TTC38: variants seen among roughly 807,000 people sequenced by gnomAD.
TTC38 encodes the protein tetratricopeptide repeat domain 38.
Under a neutral mutation model 64.2 loss-of-function variants are expected in TTC38, and 64 were observed. That is an observed-to-expected ratio of 1.00 (90% CI 0.81 to 1.23). The LOEUF (loss-of-function observed/expected upper bound fraction) is 1.23. Ranked by LOEUF, TTC38 falls within the 50% of genes most tolerant of loss-of-function variation. The probability of loss-of-function intolerance (pLI) is 0.00; values close to 1 mark genes in which losing one functional copy is unlikely to be tolerated. For missense variants in TTC38, 573 were observed against 615.5 expected (o/e 0.93, Z 0.73); for synonymous variants, 254 against 249.3 (o/e 1.02, Z -0.18).
rs746849141 is a variant in TTC38 at position 46,293,454 on chromosome 22, C to T, written c.*570C>T. The T allele has an allele frequency of 6.5e-6, 1 of 153,606 alleles. No homozygotes were observed. Among genetic ancestry groups the T allele is most frequent in the Admixed American group, 6.4e-5 (1 of 15,622 alleles). 9.5% of individuals were successfully genotyped at this position (153,606 alleles called of 1,614,324 possible). A position where few individuals can be genotyped will look rare whatever the true frequency, so the allele number is the denominator to read the frequency against. On this transcript the variant is annotated 3_prime_UTR_variant, in exon 14 of 14. Transcript: ENST00000381031. This position sits in a 1 kb window ranked among gnomAD's most constrained non-coding sequence, Gnocchi z 6.6. ...CACCTGCTGCCTTTGGACGCAGCCCCCTGCTGCTGCATCCACCACCCTTCT... is the reference window on the plus strand; with the variant it reads ...CACCTGCTGCCTTTGGACGCAGCCCTCTGCTGCTGCATCCACCACCCTTCT...
chr22:46,270,561 G>A lies in TTC38; in HGVS notation c.112-1774G>A, dbSNP rs913675108. ...TTAAAAATGATGATGCGCTGGGCGCGGTGACTCACGCCTGTAATCCCAGCA... is the reference window on the plus strand; with the variant it reads ...TTAAAAATGATGATGCGCTGGGCGCAGTGACTCACGCCTGTAATCCCAGCA... On this transcript the variant is annotated intron_variant, in intron 2 of 13. Coordinates refer to ENST00000381031, the MANE Select transcript of TTC38 (RefSeq NM_017931.4). The surrounding 1 kb of genome is among the most constrained non-coding windows in gnomAD (Gnocchi z 4.7). 7.9e-5 allele frequency among the ~76,000 whole-genome samples: 12 copies of A among 151,920 alleles called. No individual in the cohort carries two copies. Among genetic ancestry groups the A allele is most frequent in the African/African-American group, 1.7e-4 (7 of 41,326 alleles).
At chr22:46,288,349 G>T in intron 10 of TTC38, 74 bp from the exon 11 acceptor site, 1 of 1,484,250 alleles carries the variant, frequency 6.7e-7, no homozygotes, top group East Asian at 2.3e-5. Context: ...GGGAAGCGCC[G>T]TGAGGGAGGC....
chr22:46,268,930 G>C (rs1338304498), intron 2 of TTC38: 1 of 338,416 alleles, frequency 3.0e-6, no homozygotes, highest in African/African-American at 2.2e-5. Flanking sequence ...CTCGTGATCC[G>C]CCCGCCTCGG....
chr22:46,269,191 G>A, intron 2 of TTC38: 1 of 377,642 alleles, frequency 2.6e-6, no homozygotes, highest in Non-Finnish European at 5.4e-6. Context: ...GATGTTTTTT[G>A]AGGATGCTGG....
chr22:46,273,887 C>A lies in TTC38; in HGVS notation c.194-11C>A. ...ATCTGAACCACCAGCCGTTCTCTAA[C>A]CTCCCACCAGTGATGGGCCACGCCA... On this transcript the variant is annotated splice_polypyrimidine_tract_variant and intron_variant, in intron 3 of 13. Coordinates refer to ENST00000381031, the MANE Select transcript of TTC38 (RefSeq NM_017931.4). This position sits in a 1 kb window ranked among gnomAD's most constrained non-coding sequence, Gnocchi z 5.1. 1 of 1,613,992 alleles carries A rather than the reference C, an allele frequency of 6.2e-7. No homozygotes were observed. Among genetic ancestry groups the A allele is most frequent in the Non-Finnish European group, 8.5e-7 (1 of 1,179,920 alleles).
chr22:46,268,192 G>T (rs1267239373), intron 1 of TTC38, 120 bp downstream of exon 1: 4 of 1,133,236 alleles, frequency 3.5e-6, no homozygotes, highest in Non-Finnish European at 3.6e-6. Flanking sequence ...AGCCCTGGGC[G>T]CACGGGCGCG....
At position 46,275,263 on chromosome 22, in the gene TTC38, C is replaced by T. The variant is rs753915020; in HGVS notation, c.381C>T (p.Ala127=). Residue 127 remains alanine (A), a synonymous_variant, in exon 5 of 14, where the codon GCC becomes GCT. Coordinates refer to ENST00000381031, the MANE Select transcript of TTC38 (RefSeq NM_017931.4). The surrounding 1 kb of genome is among the most constrained non-coding windows in gnomAD (Gnocchi z 4.5). The stretch of plus-strand genomic sequence containing the variant: ...CGGTTTCCAGGAACTTTCCGAAAGC[C>T]TGTGAACTATGGGAACAGATTCTCC... The part of the protein sequence containing the change: ...ETFANGNFPK[A]CELWEQILQD... 3.7e-6 allele frequency: 6 copies of T among 1,613,472 alleles called. No individual in the cohort carries two copies. The Admixed American group carries it at 1.0e-4, about 27-fold the overall frequency.
At chr22:46,289,930 G>C (rs376370949) in intron 13 of TTC38, 31 bp downstream of exon 13, 26 of 1,594,826 alleles carry the variant, frequency 1.6e-5, no homozygotes, top group Non-Finnish European at 2.1e-5. Context: ...CAGCACTCCC[G>C]ACCTTCACAG....
rs376490529 is a variant in TTC38 at position 46,275,225 on chromosome 22, G to T, written c.366-23G>T. On this transcript the variant is annotated intron_variant, in intron 4 of 13. Coordinates refer to ENST00000381031, the MANE Select transcript of TTC38 (RefSeq NM_017931.4). This position sits in a 1 kb window ranked among gnomAD's most constrained non-coding sequence, Gnocchi z 4.5. ...GGTGGACTATGTGTTCAGCGTTGGT[G>T]AGAAATCTTTCTCGGTTTCCAGGAA... 1 of 1,609,068 alleles carries T rather than the reference G, an allele frequency of 6.2e-7. No homozygotes were observed. The highest frequency in any genetic ancestry group is 8.5e-7 in the Non-Finnish European group (1 of 1,177,740).
chr22:46,278,374 C>T lies in TTC38; in HGVS notation c.540-212C>T, dbSNP rs1253898158. Among the ~76,000 whole-genome samples the T allele has an allele frequency of 2.0e-5, 3 of 152,296 alleles. No homozygotes were observed. The East Asian group carries it at 5.8e-4, about 29-fold the overall frequency. ...CTCGGCATCTGTGTCTTCACACGGC[C>T]CTCTTGTAAGGACACCAGTCATTGC... is the stretch of plus-strand genomic sequence containing the variant. On this transcript the variant is annotated intron_variant, in intron 5 of 13. Transcript: ENST00000381031.
In TTC38 at chr22:46,271,176, C is replaced by A. The variant is rs921803875; in HGVS notation, c.112-1159C>A. Among the ~76,000 whole-genome samples, 1 of 152,234 alleles carries A rather than the reference C, an allele frequency of 6.6e-6. No individual in the cohort carries two copies. Among genetic ancestry groups the A allele is most frequent in the African/African-American group, 2.4e-5 (1 of 41,468 alleles). On this transcript the variant is annotated intron_variant, in intron 2 of 13. Transcript: ENST00000381031. This position sits in a 1 kb window ranked among gnomAD's most constrained non-coding sequence, Gnocchi z 5.5. The stretch of plus-strand genomic sequence containing the variant: ...ACCAACTTCAGGGCTCCTCTTAGGG[C>A]AGAAGAAGCCGATGTGGAGCAGGTC...
intron 10 of TTC38, 113 bp downstream of exon 10, chr22:46,287,267 G>A: frequency 1.1e-6 from 1 of 902,138 alleles, no homozygotes; most frequent in Middle Eastern, 2.7e-4. Context: ...AGCCGCTCCA[G>A]ACCCCTCTGC....
At chr22:46,283,795 T>C (rs2077551412) in intron 7 of TTC38, among the ~76,000 whole-genome samples, 178 bp from the exon 8 acceptor site, 1 of 131,844 alleles carries the variant, frequency 7.6e-6, no homozygotes, top group Non-Finnish European at 1.5e-5. Flanking sequence ...GAGGTTGCAG[T>C]GAGCCAAGAT....
chr22:46,268,178 GGTGA>G, intron 1 of TTC38, 106 bp downstream of exon 1: 1 of 1,308,310 alleles, frequency 7.6e-7, no homozygotes. Flanking sequence ...CGGGGCGTGG[GGTGA>G]GCCCTGGGCG....
chr22:46,289,589 C>T (rs763894672), intron 12 of TTC38, 28 bp downstream of exon 12: 2 of 1,557,910 alleles, frequency 1.3e-6, no homozygotes, highest in African/African-American at 2.7e-5. Context: ...AGCTGGGGTG[C>T]CTAGGGCCTG....
rs201636422 is a variant in TTC38 at position 46,286,190 on chromosome 22, GA to G, written c.835-873del. On this transcript the variant is annotated intron_variant, in intron 9 of 13. Transcript: ENST00000381031. The stretch of plus-strand genomic sequence containing the variant: ...GGCCCAGGCATTCTTTTGAGAGGGG[GA>G]AAAAAAAAAGCCTGAAGCCTGACTC... 7.7e-3 allele frequency among the ~76,000 whole-genome samples: 1,130 copies of G among 146,312 alleles called. 10 individuals are homozygous for G. Among genetic ancestry groups the G allele is most frequent in the Middle Eastern group, 0.014 (4 of 292 alleles).
chr22:46,281,832 TCTC>T lies in TTC38; in HGVS notation c.735+122_735+124del, dbSNP rs2077537476. The T allele has an allele frequency of 4.2e-6, 6 of 1,417,394 alleles. No homozygotes were observed. Among genetic ancestry groups the T allele is most frequent in the Non-Finnish European group, 5.9e-6 (6 of 1,019,666 alleles). 87.8% of individuals were successfully genotyped at this position (1,417,394 alleles called of 1,614,324 possible). A position where few individuals can be genotyped will look rare whatever the true frequency, so the allele number is the denominator to read the frequency against. ...GCATGGCTTAATTCTCGGGGTTCCC[TCTC>T]CTCCTCCACCTGCACCTGCCTCAGG... On this transcript the variant is annotated intron_variant, in intron 7 of 13. Transcript: ENST00000381031. The surrounding 1 kb of genome is among the most constrained non-coding windows in gnomAD (Gnocchi z 5.2).
rs1198270998 is a variant in TTC38 at position 46,281,105 on chromosome 22, A to G, written c.616-494A>G. On this transcript the variant is annotated intron_variant, in intron 6 of 13. Transcript: ENST00000381031. This position sits in a 1 kb window ranked among gnomAD's most constrained non-coding sequence, Gnocchi z 5.2. The stretch of plus-strand genomic sequence containing the variant: ...TGCACCCAGAAAGCCACGTGTCCTC[A>G]CATATATGGTAGTGGGAAGAGGCAG... 1.3e-5 allele frequency among the ~76,000 whole-genome samples: 2 copies of G among 152,348 alleles called. No individual in the cohort carries two copies. Among genetic ancestry groups the G allele is most frequent in the East Asian group, 3.9e-4 (2 of 5,186 alleles).
chr22:46,274,988 C>G lies in TTC38; in HGVS notation c.366-260C>G, dbSNP rs1384806728. Among the ~76,000 whole-genome samples the G allele has an allele frequency of 6.6e-6, 1 of 152,060 alleles. No individual in the cohort carries two copies. Among genetic ancestry groups the G allele is most frequent in the Non-Finnish European group, 1.5e-5 (1 of 67,988 alleles). On this transcript the variant is annotated intron_variant, in intron 4 of 13. Transcript: ENST00000381031. The surrounding 1 kb of genome is among the most constrained non-coding windows in gnomAD (Gnocchi z 4.8). ...CAGGCACATATCACCACACCCTGCT[C>G]ATTTTTGTATTTTTAGTAGAGATGG...
Sources: gnomAD v4.1 joint callset for allele counts (sites outside exome capture counted in the v4.1 genomes callset) on GRCh38, gnomAD v4.1.1 for gene constraint, Gnocchi (gnomAD v3.1) non-coding constraint, MANE v1.5 for transcripts, NCBI Gene and HGNC (gene_info 2026-07-23, HGNC 2026-07-21) for gene names.